The following MYO1B variants were observed in gnomAD, a reference collection of about 807,000 sequenced individuals.
MYO1B encodes myosin IB, also known as unconventional myosin-Ib.
MYO1B carries 72 observed loss-of-function variants against 159.7 expected under a neutral mutation model. The observed-to-expected ratio is 0.45, with a 90% CI of 0.37 to 0.55. The LOEUF (loss-of-function observed/expected upper bound fraction) is 0.55. MYO1B is among the 20% of genes least tolerant of loss of function. The pLI is 0.00. For missense variants in MYO1B, 1,062 were observed against 1,364.8 expected (o/e 0.78, Z 3.50); for synonymous variants, 468 against 473.8 (o/e 0.99, Z 0.16).
At chr2:191,282,530 A>G (rs1337311951) in intron 2 of MYO1B, among the ~76,000 whole-genome samples, 3 of 152,382 alleles carry the variant, frequency 2.0e-5, no homozygotes, top group South Asian at 4.1e-4. Context: ...TGGGAAAAAA[A>G]AATTTCAAAT....
rs553075552 is a variant in MYO1B, at chr2:191,363,788, G to A, written c.826G>A (p.Ala276Thr). ...HEAESVLAVV[A>T]AVLKLGNIEF... ...AGCTGAGTCTGTCTTGGCGGTGGTG[G>A]CAGCAGTGTTGAAACTGGGGAACAT... is the stretch of plus-strand genomic sequence containing the variant. The change falls in exon 10 of 31, where the codon GCA becomes ACA. Residue 276 changes from alanine to threonine, a missense_variant. By Grantham distance (58) the Ala-to-Thr change is moderately conservative. Around this residue, in one of 5 missense-constraint regions of MYO1B, gnomAD observed 415 missense variants for 544.0 expected, o/e 0.76. Transcript: ENST00000392318. 29 of 1,613,900 alleles carry A rather than the reference G, an allele frequency of 1.8e-5. No homozygotes were observed. The highest frequency in any genetic ancestry group is 2.5e-5 in the Non-Finnish European group (29 of 1,179,974).
intron 3 of MYO1B, among the ~76,000 whole-genome samples, chr2:191,322,078 C>A (rs764320986): frequency 6.6e-6 from 1 of 152,172 alleles, no homozygotes; most frequent in Non-Finnish European, 1.5e-5. Flanking sequence ...GTAGCAAGGG[C>A]AGATAAAGAA....
intron 3 of MYO1B, among the ~76,000 whole-genome samples, chr2:191,312,285 C>T (rs1479703227): frequency 6.6e-6 from 1 of 152,144 alleles, no homozygotes; most frequent in East Asian, 1.9e-4. Context: ...TGAAATCCCA[C>T]TGTTTGCTTC....
chr2:191,304,585 G>GCAACAA (rs10679042), intron 3 of MYO1B, among the ~76,000 whole-genome samples: 2 of 151,324 alleles, frequency 1.3e-5, no homozygotes, highest in East Asian at 2.0e-4. Context: ...AACAACAACA[G>GCAACAA]CAACAACAAC....
intron 6 of MYO1B, among the ~76,000 whole-genome samples, chr2:191,348,492 A>G (rs1209102399): frequency 1.3e-5 from 2 of 151,880 alleles, no homozygotes; most frequent in East Asian, 1.9e-4. Context: ...CAGAGTAACC[A>G]TTCTTTCCCT....
chr2:191,294,015 C>T (rs903697527), intron 2 of MYO1B, among the ~76,000 whole-genome samples: 1 of 152,160 alleles, frequency 6.6e-6, no homozygotes, highest in Non-Finnish European at 1.5e-5. Flanking sequence ...GAACATACCC[C>T]ATGTGATTTG....
chr2:191,363,053 T>TA (rs563189236), intron 9 of MYO1B, among the ~76,000 whole-genome samples: 33 of 152,370 alleles, frequency 2.2e-4, no homozygotes, highest in South Asian at 4.1e-4. Context: ...AACAAAAACT[T>TA]ACATTACTCC....
intron 18 of MYO1B, among the ~76,000 whole-genome samples, chr2:191,391,209 G>A (rs968685568): frequency 6.6e-6 from 1 of 152,232 alleles, no homozygotes; most frequent in Non-Finnish European, 1.5e-5. Flanking sequence ...GGCTGAAGAA[G>A]GCTTGCCCCT....
intron 23 of MYO1B, among the ~76,000 whole-genome samples, chr2:191,401,250 T>G (rs114825021): frequency 7.2e-5 from 11 of 152,186 alleles, no homozygotes; most frequent in Non-Finnish European, 1.6e-4. Flanking sequence ...TGGAAATGCC[T>G]CTAACATATG....
chr2:191,418,686 T>C (rs1274248983), intron 30 of MYO1B, among the ~76,000 whole-genome samples: 1 of 151,846 alleles, frequency 6.6e-6, no homozygotes, highest in Non-Finnish European at 1.5e-5. Context: ...ATGGGGTTTC[T>C]CCATGTTGGT....
chr2:191,369,698 A>C, intron 12 of MYO1B, 70 bp downstream of exon 12: 1 of 1,194,538 alleles, frequency 8.4e-7, no homozygotes, highest in Non-Finnish European at 1.2e-6. Context: ...AAGTTGAAGA[A>C]AGTTTAAATT....
intron 1 of MYO1B, chr2:191,248,101 C>A: frequency 1.2e-6 from 1 of 823,028 alleles, no homozygotes; most frequent in Non-Finnish European, 1.5e-6. Context: ...TTGTCTTCTA[C>A]CTCCCTTCTA....
intron 3 of MYO1B, among the ~76,000 whole-genome samples, chr2:191,302,536 A>G (rs1447159394): frequency 6.6e-6 from 1 of 152,044 alleles, no homozygotes; most frequent in Non-Finnish European, 1.5e-5. Context: ...GTGCTCTTCA[A>G]CTCTTAAGTA....
At chr2:191,328,482 C>G (rs1691249197) in intron 3 of MYO1B, among the ~76,000 whole-genome samples, 1 of 152,234 alleles carries the variant, frequency 6.6e-6, no homozygotes, top group Admixed American at 6.5e-5. Context: ...CTGTGTCACA[C>G]TGGCAGTGGA....
chr2:191,397,721 CG>C (rs1383844533), intron 21 of MYO1B, among the ~76,000 whole-genome samples: 14 of 145,696 alleles, frequency 9.6e-5, no homozygotes, highest in Non-Finnish European at 2.1e-4. Flanking sequence ...ACCTCCCAGA[CG>C]GGGTCGTGGC....
At chr2:191,322,042 A>G (rs1415553559) in intron 3 of MYO1B, among the ~76,000 whole-genome samples, 2 of 152,166 alleles carry the variant, frequency 1.3e-5, no homozygotes, top group Non-Finnish European at 2.9e-5. Context: ...TTCATGCTTC[A>G]TTAATTTGTG....
Position 191,276,867 on chromosome 2 carries a change from C to T in MYO1B, c.-9-20C>T, listed in dbSNP as rs760137848. ...ATTATTTTGCTCGTTTAAATTGACC[C>T]CTTTCCCTCTCTTCTGCAGCTGGAG... On this transcript the variant is annotated intron_variant, in intron 1 of 30. Coordinates refer to ENST00000392318, the MANE Select transcript of MYO1B (RefSeq NM_001130158.3). 2 of 1,583,064 alleles carry T rather than the reference C, an allele frequency of 1.3e-6. No homozygotes were observed. Among genetic ancestry groups the T allele is most frequent in the South Asian group, 1.2e-5 (1 of 86,818 alleles).
chr2:191,329,873 A>G (rs1273794638), intron 3 of MYO1B, 62 bp from the exon 4 acceptor site: 2 of 1,420,976 alleles, frequency 1.4e-6, no homozygotes, highest in Non-Finnish European at 1.9e-6. Context: ...TTGTAGTTCC[A>G]TCTGATAAAC....
intron 1 of MYO1B, among the ~76,000 whole-genome samples, chr2:191,252,790 C>G (rs1052657403): frequency 5.3e-5 from 8 of 152,222 alleles, no homozygotes; most frequent in Non-Finnish European, 1.0e-4. Context: ...TTACCTAATA[C>G]TTGGTCCCCT....
Sources: allele counts gnomAD v4.1 joint callset (sites outside exome capture counted in the v4.1 genomes callset), GRCh38; gene constraint gnomAD v4.1.1; regional missense constraint gnomAD v4.1.1; transcripts MANE v1.5; gene names NCBI Gene and HGNC (gene_info 2026-07-23, HGNC 2026-07-21).